KALRN: variants seen among roughly 807,000 people sequenced by gnomAD.
The protein encoded by KALRN is kalirin.
KALRN carries 70 observed loss-of-function variants against 353.7 expected under a neutral mutation model. That is an observed-to-expected ratio of 0.20 (90% CI 0.16 to 0.24). The LOEUF (loss-of-function observed/expected upper bound fraction) is 0.24, where lower values mean the gene tolerates loss of function less well. Ranked by LOEUF, KALRN falls within the 10% of genes least tolerant of loss-of-function variation. The probability of loss-of-function intolerance (pLI) is 1.00; values close to 1 mark genes in which losing one functional copy is unlikely to be tolerated. For synonymous variants in KALRN, 1,391 were observed against 1,434.8 expected (o/e 0.97, Z 0.69); for missense variants, 2,791 against 3,756.7 (o/e 0.74, Z 6.72).
intron 6 of KALRN, among the ~76,000 whole-genome samples, chr3:124,305,456 C>T (rs1484954496): frequency 6.6e-6 from 1 of 151,994 alleles, no homozygotes; most frequent in African/African-American, 2.4e-5. Flanking sequence ...CCACTTATGC[C>T]CCAGTACATT....
At chr3:124,486,656 C>T (rs1340914460) in intron 28 of KALRN, among the ~76,000 whole-genome samples, 1 of 152,138 alleles carries the variant, frequency 6.6e-6, no homozygotes, top group Non-Finnish European at 1.5e-5. Flanking sequence ...TTCAAGGATA[C>T]AAGTAATTCC....
intron 1 of KALRN, among the ~76,000 whole-genome samples, chr3:124,101,921 T>A (rs1281307924): frequency 1.3e-5 from 2 of 152,154 alleles, no homozygotes; most frequent in Admixed American, 6.5e-5. Flanking sequence ...TGCATATGTG[T>A]GCCCAGCATG....
rs150077990 is a variant in KALRN at position 124,483,628 on chromosome 3, C to T, written c.4284+728C>T. 2.6e-3 allele frequency among the ~76,000 whole-genome samples: 399 copies of T among 152,158 alleles called. 4 individuals carry two copies. The highest frequency in any genetic ancestry group is 9.1e-3 in the African/African-American group (378 of 41,532). ...GGCAGTGCCAGTTTACATGGGTAGTCGAGGCCAGGGTGGCACCTACCATTG... is the reference window on the plus strand; with the variant it reads ...GGCAGTGCCAGTTTACATGGGTAGTTGAGGCCAGGGTGGCACCTACCATTG... On this transcript the variant is annotated intron_variant, in intron 28 of 59. Coordinates refer to ENST00000682506, the MANE Select transcript of KALRN (RefSeq NM_001388419.1).
At chr3:124,196,090 T>A (rs964174952) in intron 1 of KALRN, among the ~76,000 whole-genome samples, 3 of 152,206 alleles carry the variant, frequency 2.0e-5, no homozygotes, top group African/African-American at 7.2e-5. Context: ...ACCCCTAGAA[T>A]TGCCCCTCAG....
chr3:124,416,725 C>A (rs2092522503), intron 14 of KALRN, among the ~76,000 whole-genome samples: 1 of 152,172 alleles, frequency 6.6e-6, no homozygotes, highest in South Asian at 2.1e-4. Context: ...GCCTTATCCC[C>A]CAATGGCTGA....
At chr3:124,692,708 T>C (rs2061874886) in intron 51 of KALRN, among the ~76,000 whole-genome samples, 1 of 152,264 alleles carries the variant, frequency 6.6e-6, no homozygotes, top group Non-Finnish European at 1.5e-5. Flanking sequence ...GCTAAGCACT[T>C]GATGTACAAG....
intron 10 of KALRN, among the ~76,000 whole-genome samples, chr3:124,360,091 C>A (rs1348255131): frequency 6.6e-6 from 1 of 152,212 alleles, no homozygotes; most frequent in East Asian, 1.9e-4. Flanking sequence ...CATCCAGGAG[C>A]CAGTGGTGTT....
chr3:124,108,998 C>T (rs968505286), intron 1 of KALRN, among the ~76,000 whole-genome samples: 1 of 152,162 alleles, frequency 6.6e-6, no homozygotes, highest in African/African-American at 2.4e-5. Flanking sequence ...ATGCATTTCT[C>T]CTCTTGCCTT....
At position 124,142,665 on chromosome 3, in the gene KALRN, G is replaced by A. The variant is rs113048473; in HGVS notation, c.74-85325G>A. ...GTCCATTTGTGAGCGGCTCCGTGGG[G>A]AGAGGCCTGTGTGTGTAGCCTCGAT... On this transcript the variant is annotated intron_variant, in intron 1 of 59. Coordinates refer to ENST00000682506, the MANE Select transcript of KALRN (RefSeq NM_001388419.1). 6.7e-3 allele frequency among the ~76,000 whole-genome samples: 1,018 copies of A among 152,138 alleles called. 14 individuals carry two copies. The highest frequency in any genetic ancestry group is 0.023 in the African/African-American group (970 of 41,510).
At chr3:124,623,992 C>T (rs1388660728) in intron 34 of KALRN, among the ~76,000 whole-genome samples, 1 of 152,200 alleles carries the variant, frequency 6.6e-6, no homozygotes, top group African/African-American at 2.4e-5. Context: ...TTTCACTTTC[C>T]ACAGTTTCAG....
intron 1 of KALRN, among the ~76,000 whole-genome samples, chr3:124,204,553 T>G (rs2076239506): frequency 6.6e-6 from 1 of 151,814 alleles, no homozygotes; most frequent in Non-Finnish European, 1.5e-5. Context: ...ACTCATCTAA[T>G]TAAGATGCAC....
chr3:124,046,002 A>G (rs2040442798), intron 1 of KALRN, among the ~76,000 whole-genome samples: 2 of 152,222 alleles, frequency 1.3e-5, no homozygotes. Flanking sequence ...TGGTAATCAA[A>G]AGGACATTTT....
At chr3:124,333,707 G>A (rs1194986802) in intron 8 of KALRN, among the ~76,000 whole-genome samples, 2 of 152,116 alleles carry the variant, frequency 1.3e-5, no homozygotes, top group East Asian at 3.9e-4. Flanking sequence ...GGCCAACATG[G>A]TGAAACCCCG....
chr3:124,556,708 TTG>T (rs2071299213), intron 33 of KALRN, among the ~76,000 whole-genome samples: 1 of 152,226 alleles, frequency 6.6e-6, no homozygotes, highest in African/African-American at 2.4e-5. Context: ...GTTTTAGAGA[TTG>T]TTATTGTTGA....
rs56410073 is a variant in KALRN, at chr3:124,719,341, C to T, written c.8832C>T (p.Ser2944=). The T allele has an allele frequency of 4.1e-3, 6,638 of 1,614,210 alleles. 23 individuals carry two copies. Among genetic ancestry groups the T allele is most frequent in the Non-Finnish European group, 5.0e-3 (5,901 of 1,180,040 alleles). ...CATGGCTGCAGCCCCATAATGGCAG[C>T]TACTCTAAGATCCCCCTGGACACCT... The part of the protein sequence containing the change: ...QHPWLQPHNG[S]YSKIPLDTSR... Residue 2944 remains serine (S), a synonymous_variant, in exon 60 of 60, where the codon AGC becomes AGT. Transcript: ENST00000682506. The surrounding 1 kb of genome is among the most constrained non-coding windows in gnomAD (Gnocchi z 5.3).
chr3:124,466,387 AT>A (rs2060350356), intron 25 of KALRN, among the ~76,000 whole-genome samples: 1 of 152,210 alleles, frequency 6.6e-6, no homozygotes, highest in East Asian at 1.9e-4. Flanking sequence ...AGGAGAATAT[AT>A]TCCATTAGTA....
intron 34 of KALRN, among the ~76,000 whole-genome samples, chr3:124,580,759 A>T (rs776778343): frequency 2.6e-5 from 4 of 152,082 alleles, no homozygotes; most frequent in African/African-American, 4.8e-5. Flanking sequence ...CTCAGTAAGT[A>T]TTTGATGAAT....
At chr3:124,563,181 C>G in intron 34 of KALRN, 92 bp downstream of exon 34, 1 of 1,253,258 alleles carries the variant, frequency 8.0e-7, no homozygotes, top group African/African-American at 1.5e-5. Flanking sequence ...AGTGACCTGT[C>G]TCACAGACCC....
intron 29 of KALRN, 64 bp downstream of exon 29, chr3:124,488,379 T>C: frequency 9.1e-7 from 1 of 1,101,696 alleles, no homozygotes; most frequent in East Asian, 2.4e-5. Context: ...GCTTGTATCA[T>C]GGGAGGGAAG....
Sources: allele counts gnomAD v4.1 joint callset (sites outside exome capture counted in the v4.1 genomes callset), GRCh38; gene constraint gnomAD v4.1.1; non-coding constraint Gnocchi (gnomAD v3.1); transcripts MANE v1.5; gene names NCBI Gene and HGNC (gene_info 2026-07-23, HGNC 2026-07-21).